The following PLXDC2 variants were observed in gnomAD, a reference collection of about 807,000 sequenced individuals.
The protein encoded by PLXDC2 is plexin domain-containing protein 2.
PLXDC2 carries 40 observed loss-of-function variants against 68.9 expected under a neutral mutation model. The observed-to-expected ratio is 0.58, with a 90% CI of 0.45 to 0.76. The LOEUF (loss-of-function observed/expected upper bound fraction) is 0.76, where lower values mean the gene tolerates loss of function less well. PLXDC2 is among the 30% of genes least tolerant of loss of function. The pLI, the probability that PLXDC2 is intolerant of heterozygous loss-of-function variation, is 0.00. For missense variants in PLXDC2, 644 were observed against 661.9 expected (o/e 0.97, Z 0.30); for synonymous variants, 243 against 234.2 (o/e 1.04, Z -0.34).
chr10:19,907,851 A>G (rs1833194936), intron 1 of PLXDC2, among the ~76,000 whole-genome samples: 1 of 152,114 alleles, frequency 6.6e-6, no homozygotes, highest in African/African-American at 2.4e-5. Flanking sequence ...ATTGCCATGA[A>G]CCTCACGCAC....
chr10:20,203,846 C>G (rs910691664), intron 9 of PLXDC2, among the ~76,000 whole-genome samples: 1 of 152,144 alleles, frequency 6.6e-6, no homozygotes, highest in Non-Finnish European at 1.5e-5. Context: ...AAACTCATCT[C>G]TAAAGCAAAG....
At chr10:19,870,933 T>C (rs1400934368) in intron 1 of PLXDC2, among the ~76,000 whole-genome samples, 1 of 152,208 alleles carries the variant, frequency 6.6e-6, no homozygotes, top group Non-Finnish European at 1.5e-5. Flanking sequence ...AGGTAGATTC[T>C]GCGATTATCT....
rs1049711348 is a variant in PLXDC2, at chr10:20,283,386, T to G, written c.*3567T>G. On this transcript the variant is annotated 3_prime_UTR_variant, in exon 14 of 14. Coordinates refer to ENST00000377252, the MANE Select transcript of PLXDC2 (RefSeq NM_032812.9). ...ACAGATGTGCAGACTCTTAAAAACCTTATGTTAATGTAACCCATATAAAGT... is the reference window on the plus strand; with the variant it reads ...ACAGATGTGCAGACTCTTAAAAACCGTATGTTAATGTAACCCATATAAAGT... 1 of 152,208 alleles carries G rather than the reference T, an allele frequency of 6.6e-6. No individual in the cohort carries two copies. 9.4% of individuals were successfully genotyped at this position (152,208 alleles called of 1,614,324 possible).
At position 20,089,169 on chromosome 10, in the gene PLXDC2, CGTGTGTGTGTGTGTGTGTGT is replaced by C. The variant is rs34167804; in HGVS notation, c.541+20957_541+20976del. Among the ~76,000 whole-genome samples the C allele has an allele frequency of 8.4e-3, 1,197 of 142,670 alleles. 20 individuals are homozygous for C. Among genetic ancestry groups the C allele is most frequent in the African/African-American group, 0.027 (1,099 of 40,048 alleles). The allele number at this position is 142,670 out of a possible 152,430, so 93.6% of individuals were successfully genotyped here. ...TAAATTAAAAAAAAACCTGTATATA[CGTGTGTGTGTGTGTGTGTGT>C]GTGTGTGTGTGTGTGTGTGTGTGTG... On this transcript the variant is annotated intron_variant, in intron 4 of 13. Transcript: ENST00000377252.
intron 1 of PLXDC2, among the ~76,000 whole-genome samples, chr10:19,981,397 A>G (rs1355323458): frequency 6.6e-6 from 1 of 152,210 alleles, no homozygotes; most frequent in Non-Finnish European, 1.5e-5. Context: ...GTCTTGATAC[A>G]TGGGTTTGTT....
At chr10:20,130,739 T>C (rs1833856628) in intron 4 of PLXDC2, among the ~76,000 whole-genome samples, 1 of 152,152 alleles carries the variant, frequency 6.6e-6, no homozygotes, top group Non-Finnish European at 1.5e-5. Flanking sequence ...TTTGCATATA[T>C]CGAGATGATC....
intron 1 of PLXDC2, among the ~76,000 whole-genome samples, chr10:19,904,557 A>G (rs1005547528): frequency 6.6e-6 from 1 of 151,942 alleles, no homozygotes; most frequent in East Asian, 1.9e-4. Flanking sequence ...TCCCCAGACC[A>G]CAAGCCTCCC....
At chr10:19,983,387 A>G (rs1357112281) in intron 1 of PLXDC2, among the ~76,000 whole-genome samples, 1 of 152,212 alleles carries the variant, frequency 6.6e-6, no homozygotes, top group Non-Finnish European at 1.5e-5. Flanking sequence ...GCGTTCTTAC[A>G]TTGATATATG....
At chr10:20,096,041 C>T (rs973540617) in intron 4 of PLXDC2, among the ~76,000 whole-genome samples, 3 of 152,084 alleles carry the variant, frequency 2.0e-5, no homozygotes, top group Non-Finnish European at 2.9e-5. Context: ...CATAGAACTC[C>T]TTCTTTCTTC....
intron 1 of PLXDC2, among the ~76,000 whole-genome samples, chr10:19,882,223 A>T (rs975323574): frequency 1.3e-5 from 2 of 152,200 alleles, no homozygotes; most frequent in African/African-American, 4.8e-5. Context: ...TCCTCCTAAG[A>T]TCTTAAACAT....
At chr10:20,163,833 C>A (rs10764209) in intron 6 of PLXDC2, among the ~76,000 whole-genome samples, 70,269 of 151,862 alleles carry the variant, frequency 0.46, 16,452 homozygotes, top group Middle Eastern at 0.56. Context: ...GTATTCAGAT[C>A]TTGGTTTCAT....
chr10:20,225,373 GA>G (rs1397209470), intron 12 of PLXDC2, among the ~76,000 whole-genome samples: 7 of 151,874 alleles, frequency 4.6e-5, no homozygotes, highest in African/African-American at 7.3e-5. Context: ...ACTTTTTGTT[GA>G]TTTTTTTTGT....
chr10:20,193,133 A>G (rs1834789785), intron 9 of PLXDC2, among the ~76,000 whole-genome samples: 1 of 152,076 alleles, frequency 6.6e-6, no homozygotes. Flanking sequence ...CATTTGGTAC[A>G]TTCAGAACCT....
At chr10:19,901,168 T>C (rs1838154213) in intron 1 of PLXDC2, among the ~76,000 whole-genome samples, 1 of 152,180 alleles carries the variant, frequency 6.6e-6, no homozygotes, top group South Asian at 2.1e-4. Flanking sequence ...ATATAAAGAC[T>C]TCTTTTCCTC....
intron 4 of PLXDC2, among the ~76,000 whole-genome samples, chr10:20,118,920 CTT>C (rs34396697): frequency 3.2e-4 from 45 of 139,820 alleles, no homozygotes; most frequent in Middle Eastern, 3.8e-3. Flanking sequence ...ACATTGAAGC[CTT>C]TTTTTTTTTT....
chr10:19,997,243 T>C (rs1221774537), intron 1 of PLXDC2, among the ~76,000 whole-genome samples: 1 of 152,232 alleles, frequency 6.6e-6, no homozygotes, highest in Non-Finnish European at 1.5e-5. Flanking sequence ...CCTAAAGATA[T>C]AACTATTTTC....
At chr10:20,156,811 A>C (rs1183365516) in intron 6 of PLXDC2, among the ~76,000 whole-genome samples, 1 of 152,232 alleles carries the variant, frequency 6.6e-6, no homozygotes, top group Non-Finnish European at 1.5e-5. Context: ...GCAAATTGTT[A>C]CTGATACCCT....
intron 13 of PLXDC2, among the ~76,000 whole-genome samples, chr10:20,263,054 A>G (rs538183877): frequency 6.6e-6 from 1 of 152,192 alleles, no homozygotes; most frequent in Admixed American, 6.5e-5. Flanking sequence ...CCAAAAAGCA[A>G]TCCTGAGCAA....
At chr10:20,091,998 A>C (rs868051957) in intron 4 of PLXDC2, among the ~76,000 whole-genome samples, 1 of 152,232 alleles carries the variant, frequency 6.6e-6, no homozygotes, top group Non-Finnish European at 1.5e-5. Context: ...GGATAAATAC[A>C]TGAGTGAATT....
Sources: gnomAD v4.1 joint callset for allele counts (sites outside exome capture counted in the v4.1 genomes callset) on GRCh38, gnomAD v4.1.1 for gene constraint, MANE v1.5 for transcripts, NCBI Gene and HGNC (gene_info 2026-07-23, HGNC 2026-07-21) for gene names.